The following HNRNPR variants were observed in gnomAD, a reference collection of about 807,000 sequenced individuals.
The protein encoded by HNRNPR is heterogeneous nuclear ribonucleoprotein R.
A neutral mutation model predicts 70.3 loss-of-function variants in HNRNPR; 4 were observed. The ratio of observed to expected loss-of-function variants is 0.06; its 90% CI spans 0.03 to 0.13. The LOEUF is 0.13. HNRNPR is among the 10% of genes least tolerant of loss of function. HNRNPR has a pLI of 1.00. For synonymous variants in HNRNPR, 241 were observed against 267.6 expected (o/e 0.90, Z 0.97); for missense variants, 423 against 788.5 (o/e 0.54, Z 5.55).
chr1:23,339,617 C>T (rs1257287737), intron 2 of HNRNPR, among the ~76,000 whole-genome samples: 1 of 152,120 alleles, frequency 6.6e-6, no homozygotes, highest in Non-Finnish European at 1.5e-5. Context: ...TTTGATAAAG[C>T]TAAAAAGAAC....
At chr1:23,323,846 T>C (rs772019408) in intron 5 of HNRNPR, 114 bp from the exon 6 acceptor site, 37 of 813,158 alleles carry the variant, frequency 4.6e-5, no homozygotes, top group Non-Finnish European at 6.9e-5. Flanking sequence ...TAAGAAAGAA[T>C]GGAAACAATC....
At chr1:23,327,718 A>G (rs1489745848) in intron 5 of HNRNPR, among the ~76,000 whole-genome samples, 1 of 151,966 alleles carries the variant, frequency 6.6e-6, no homozygotes, top group Non-Finnish European at 1.5e-5. Flanking sequence ...ATAAATAAAT[A>G]GTGATTATAT....
Position 23,310,773 on chromosome 1 carries a change from C to A in HNRNPR, c.1583G>T (p.Gly528Val). 1 of 1,613,938 alleles carries A rather than the reference C, an allele frequency of 6.2e-7. No individual in the cohort carries two copies. The highest frequency in any genetic ancestry group is 8.5e-7 in the Non-Finnish European group (1 of 1,179,910). The change falls in exon 11 of 11, where the codon GGC becomes GTC. Residue 528 changes from glycine (G) to valine (V), a missense_variant. Physicochemically the swap from Gly to Val is moderately radical, Grantham distance 109. This residue lies in a region of HNRNPR where 169 missense variants were observed against 195.6 expected (regional missense o/e 0.86). Coordinates refer to ENST00000302271, the MANE Select transcript of HNRNPR (RefSeq NM_005826.5). The surrounding 1 kb of genome is among the most constrained non-coding windows in gnomAD (Gnocchi z 6.0). ...CAAAGGTGCCCCCCTCTGTGAATAG[C>A]CAGCTCTACCTCTTGGAGGTGGTGC... ...RGAPPPRGRA[G>V]YSQRGAPLGP...
At chr1:23,338,698 A>G (rs1482227504) in intron 2 of HNRNPR, 90 bp from the exon 3 acceptor site, 7 of 593,814 alleles carry the variant, frequency 1.2e-5, no homozygotes, top group African/African-American at 1.9e-5. Flanking sequence ...GTTACATTCA[A>G]TATGATCACT....
intron 5 of HNRNPR, among the ~76,000 whole-genome samples, chr1:23,331,834 T>TAAAAAAAAAAAAAAAAAAAAAAAAAAAA (rs59006948): frequency 1.7e-5 from 1 of 59,242 alleles, no homozygotes; most frequent in African/African-American, 4.6e-5. Context: ...ACTGTTTCTT[T>TAAAAAAAAAAAAAAAAAAAAAAAAAAAA]AAAAAAAAAA....
intron 5 of HNRNPR, among the ~76,000 whole-genome samples, chr1:23,324,598 T>C (rs679442): frequency 0.058 from 8,823 of 151,728 alleles, 833 homozygotes; most frequent in African/African-American, 0.2. Flanking sequence ...TAAAAAGCAA[T>C]CTCAATATTT....
At chr1:23,337,319 A>G (rs886788879) in intron 4 of HNRNPR, among the ~76,000 whole-genome samples, 1 of 152,316 alleles carries the variant, frequency 6.6e-6, no homozygotes, top group Admixed American at 6.5e-5. Context: ...TATCCTTCTT[A>G]TGTAATTCCT....
At chr1:23,315,786 C>G (rs183959641) in intron 8 of HNRNPR, among the ~76,000 whole-genome samples, 2 of 152,078 alleles carry the variant, frequency 1.3e-5, no homozygotes, top group Admixed American at 1.3e-4. Flanking sequence ...TAAGAAGATA[C>G]TAATTTAAGG....
At chr1:23,323,781 G>C in intron 5 of HNRNPR, 49 bp from the exon 6 acceptor site, 1 of 1,512,038 alleles carries the variant, frequency 6.6e-7, no homozygotes, top group Non-Finnish European at 9.2e-7. Flanking sequence ...TTTGATTTTA[G>C]AGCCATAAAG....
At chr1:23,338,037 G>T (rs1475964385) in intron 3 of HNRNPR, 176 bp from the exon 4 acceptor site, 2 of 566,570 alleles carry the variant, frequency 3.5e-6, no homozygotes, top group African/African-American at 1.9e-5. Context: ...ACAGCAGTAA[G>T]GCAGTATAGA....
intron 7 of HNRNPR, among the ~76,000 whole-genome samples, chr1:23,319,962 A>T (rs1557853231): frequency 6.6e-6 from 1 of 152,250 alleles, no homozygotes; most frequent in East Asian, 1.9e-4. Flanking sequence ...AAACAGGGAT[A>T]GTAGCTATTC....
rs765035362 is a variant in HNRNPR at position 23,318,460 on chromosome 1, C to T, written c.1017+23G>A. 1.3e-5 allele frequency: 21 copies of T among 1,576,360 alleles called. No individual in the cohort carries two copies. Among genetic ancestry groups the T allele is most frequent in the Admixed American group, 1.7e-5 (1 of 59,980 alleles). On this transcript the variant is annotated intron_variant, in intron 8 of 10. Coordinates refer to ENST00000302271, the MANE Select transcript of HNRNPR (RefSeq NM_005826.5). The surrounding 1 kb of genome is among the most constrained non-coding windows in gnomAD (Gnocchi z 4.2). ...CAAAATTTAAATGATGACCCTATGC[C>T]CATTCCAAGCAACTGTATTTACCTT...
rs536010111 is a variant in HNRNPR, at chr1:23,333,260, T to C, written c.498+258A>G. Among the ~76,000 whole-genome samples the C allele has an allele frequency of 3.3e-5, 5 of 152,300 alleles. No individual in the cohort carries two copies. The South Asian group carries it at 1.0e-3, about 32-fold the overall frequency. ...TTTACTCCAAGTATCTAAAATGGTG[T>C]GCTGCTAGTAGCATGGTTTTAGCAA... On this transcript the variant is annotated intron_variant, in intron 5 of 10. Coordinates refer to ENST00000302271, the MANE Select transcript of HNRNPR (RefSeq NM_005826.5).
rs1280016404 is a variant in HNRNPR at position 23,340,987 on chromosome 1, T to C, written c.22A>G (p.Asn8Asp). 1 of 1,611,290 alleles carries C rather than the reference T, an allele frequency of 6.2e-7. No homozygotes were observed. Among genetic ancestry groups the C allele is most frequent in the African/African-American group, 1.3e-5 (1 of 74,812 alleles). Reference sequence around the variant, plus strand: ...TCCTCTTCTTTTAACTGTACCGCATTACCATTCACCTGATTAGCCATTTTA... The same window carrying C: ...TCCTCTTCTTTTAACTGTACCGCATCACCATTCACCTGATTAGCCATTTTA... MANQVNG[N>D]AVQLKEEEEP... Residue 8 changes from asparagine (N) to aspartate (D), a missense_variant, in exon 2 of 11, where the codon AAT becomes GAT. Transcript: ENST00000302271.
At chr1:23,339,161 T>A (rs1646617565) in intron 2 of HNRNPR, among the ~76,000 whole-genome samples, 1 of 152,206 alleles carries the variant, frequency 6.6e-6, no homozygotes, top group Non-Finnish European at 1.5e-5. Context: ...AATGCATTTG[T>A]TTATCTGAGC....
At chr1:23,330,352 T>C (rs915502401) in intron 5 of HNRNPR, among the ~76,000 whole-genome samples, 1 of 152,014 alleles carries the variant, frequency 6.6e-6, no homozygotes, top group Non-Finnish European at 1.5e-5. Flanking sequence ...CTGGCCAACA[T>C]GGTGAAACCC....
chr1:23,329,556 A>T (rs139919423), intron 5 of HNRNPR, among the ~76,000 whole-genome samples: 70 of 152,362 alleles, frequency 4.6e-4, no homozygotes, highest in African/African-American at 1.7e-3. Flanking sequence ...ATGAAGACCC[A>T]GAAAAAGTTT....
chr1:23,335,478 T>A (rs1018335533), intron 4 of HNRNPR, among the ~76,000 whole-genome samples: 1 of 152,226 alleles, frequency 6.6e-6, no homozygotes, highest in African/African-American at 2.4e-5. Flanking sequence ...GCTTCATCTG[T>A]ATTTACAGCC....
At chr1:23,324,924 A>C (rs1482136440) in intron 5 of HNRNPR, among the ~76,000 whole-genome samples, 1 of 151,786 alleles carries the variant, frequency 6.6e-6, no homozygotes, top group Non-Finnish European at 1.5e-5. Flanking sequence ...GCGGATCACG[A>C]AGTCAGGAGA....
Sources: gnomAD v4.1 joint callset for allele counts (sites outside exome capture counted in the v4.1 genomes callset) on GRCh38, gnomAD v4.1.1 for gene constraint, gnomAD v4.1.1 regional missense constraint, Gnocchi (gnomAD v3.1) non-coding constraint, MANE v1.5 for transcripts, NCBI Gene and HGNC (gene_info 2026-07-23, HGNC 2026-07-21) for gene names.